Variants in MXRA5 observed in about 807,000 individuals in gnomAD.
MXRA5 encodes matrix remodeling associated 5.
MXRA5 carries 41 observed loss-of-function variants against 112.5 expected under a neutral mutation model. The ratio of observed to expected loss-of-function variants is 0.36; its 90% CI spans 0.28 to 0.47. The LOEUF is 0.47. MXRA5 is among the 20% of genes least tolerant of loss of function. The pLI, the probability that MXRA5 is intolerant of heterozygous loss-of-function variation, is 0.99. For missense variants in MXRA5, 2,150 were observed against 2,251.0 expected (o/e 0.96, Z 0.91); for synonymous variants, 862 against 900.8 (o/e 0.96, Z 0.77).
Position 3,309,761 on chromosome X carries a change from GT to G in MXRA5, c.8441del (p.Asn2814ThrfsTer22). ...TTGTTTTGGAGTCACTGCCGAGAATGTTTTTTGCCATGCACTTGTAGAAGCC... is the reference window on the plus strand; with the variant it reads ...TTGTTTTGGAGTCACTGCCGAGAATGTTTTTGCCATGCACTTGTAGAAGCC... ...DAGFYKCMAK[N>X]ILGSDSKTTY... On this transcript the variant is annotated frameshift_variant, in exon 7 of 7. Coordinates refer to ENST00000217939, the MANE Select transcript of MXRA5 (RefSeq NM_015419.4). LOFTEE classifies it high-confidence loss of function. 1 of 1,211,718 alleles carries G rather than the reference GT, an allele frequency of 8.3e-7. No homozygotes were observed. Among genetic ancestry groups the G allele is most frequent in the South Asian group, 1.8e-5 (1 of 56,925 alleles).
intron 6 of MXRA5, among the ~76,000 whole-genome samples, chrX:3,315,107 G>C (rs1211835442): frequency 1.8e-5 from 2 of 108,338 alleles, no homozygotes; most frequent in African/African-American, 6.8e-5. Flanking sequence ...TGCTAATCTG[G>C]GGTGGGGTGT....
Position 3,322,903 on chromosome X carries a change from C to T in MXRA5, c.2782G>A (p.Asp928Asn), listed in dbSNP as rs1206662575. The T allele has an allele frequency of 8.3e-7, 1 of 1,211,295 alleles. No individual in the cohort carries two copies. Among genetic ancestry groups the T allele is most frequent in the Non-Finnish European group, 1.1e-6 (1 of 895,463 alleles). Residue 928 changes from aspartate (D) to asparagine (N), a missense_variant, in exon 5 of 7, where the codon GAC becomes AAC. By Grantham distance (23) the Asp-to-Asn change is conservative (BLOSUM62 1). This residue lies in a region of MXRA5 where 1,485 missense variants were observed against 1,471.6 expected (regional missense o/e 1.01). Transcript: ENST00000217939. The stretch of plus-strand genomic sequence containing the variant: ...TGGGTGGGCTTTTCATAGACTGTGT[C>T]TAATGTGTGCAGAGTAGGAGATGGT... ...YEPSPTLHTL[D>N]TVYEKPTHEE...
In MXRA5 at chrX:3,324,716, G is replaced by A. The variant is rs765714698; in HGVS notation, c.969C>T (p.Thr323=). The part of the protein sequence containing the change: ...LPQWSISLNM[T]DEHGNMVNLV... ...AGTTCACCATGTTCCCGTGCTCGTC[G>A]GTCATATTCAAAGAGATGCTCCACT... Residue 323 remains threonine (T), a synonymous_variant, in exon 5 of 7, where the codon ACC becomes ACT. Transcript: ENST00000217939. 7 of 1,209,834 alleles carry A rather than the reference G, an allele frequency of 5.8e-6. No individual in the cohort carries two copies. Among genetic ancestry groups the A allele is most frequent in the Admixed American group, 2.2e-5 (1 of 45,891 alleles).
At position 3,323,906 on chromosome X, in the gene MXRA5, C is replaced by G; in HGVS notation, c.1779G>C (p.Glu593Asp). The change falls in exon 5 of 7, where the codon GAG (glutamate) becomes GAC (aspartate). Residue 593 changes from glutamate (E) to aspartate (D), a missense_variant. Physicochemically the swap from Glu to Asp is conservative, Grantham distance 45. Around this residue, in one of 6 missense-constraint regions of MXRA5, gnomAD observed 1,485 missense variants for 1,471.6 expected, o/e 1.01. Transcript: ENST00000217939. ...DTVTIGKNPG[E>D]SVTLPCNALA... is the part of the protein sequence containing the mutation. ...AAGCATTGCAAGGCAATGTCACCGA[C>G]TCCCCTGGGTTCTTGCCAATTGTCA... is the stretch of plus-strand genomic sequence containing the variant. The G allele has an allele frequency of 8.3e-7, 1 of 1,205,746 alleles. No homozygotes were observed. Among genetic ancestry groups the G allele is most frequent in the Non-Finnish European group, 1.1e-6 (1 of 892,946 alleles).
chrX:3,343,932 T>A (rs1922048500), intron 1 of MXRA5, 71 bp from the exon 2 acceptor site: 1 of 911,577 alleles, frequency 1.1e-6, no homozygotes, highest in Non-Finnish European at 1.5e-6. Flanking sequence ...ATTTTTAAAT[T>A]TGAATTGTGC....
chrX:3,340,525 C>G (rs1449129791), intron 2 of MXRA5, among the ~76,000 whole-genome samples: 1 of 111,269 alleles, frequency 9.0e-6, no homozygotes, highest in Non-Finnish European at 1.9e-5. Context: ...GGGTTTTAAA[C>G]TTTTTCTTTT....
At chrX:3,339,248 G>T (rs747547612) in intron 2 of MXRA5, among the ~76,000 whole-genome samples, 9 of 109,304 alleles carry the variant, frequency 8.2e-5, no homozygotes, top group Non-Finnish European at 3.8e-5. Flanking sequence ...TGCTTGTTTT[G>T]TTGTTGTTGT....
intron 4 of MXRA5, among the ~76,000 whole-genome samples, chrX:3,326,577 A>G (rs1305840150): frequency 2.8e-5 from 3 of 108,084 alleles, no homozygotes; most frequent in Non-Finnish European, 5.7e-5. Flanking sequence ...TATCTAGGTA[A>G]CTATATCTAT....
In MXRA5 at chrX:3,322,736, C is replaced by T; in HGVS notation, c.2949G>A (p.Glu983=). 1 of 1,211,598 alleles carries T rather than the reference C, an allele frequency of 8.3e-7. No homozygotes were observed. Among genetic ancestry groups the T allele is most frequent in the Non-Finnish European group, 1.1e-6 (1 of 895,534 alleles). The change falls in exon 5 of 7, where the codon GAG becomes GAA. Residue 983 remains glutamate (E), a synonymous_variant. Transcript: ENST00000217939. ...TATCCTCATCTGGTTGTGACTTAGTCTCCAAATCTGGGTCAAAGTATTGCA... is the reference window on the plus strand; with the variant it reads ...TATCCTCATCTGGTTGTGACTTAGTTTCCAAATCTGGGTCAAAGTATTGCA... The part of the protein sequence containing the change: ...EPMQYFDPDL[E]TKSQPDEDKM...
At chrX:3,312,224 G>A (rs1248422298) in intron 6 of MXRA5, among the ~76,000 whole-genome samples, 1 of 111,542 alleles carries the variant, frequency 9.0e-6, no homozygotes, top group African/African-American at 3.3e-5. Flanking sequence ...TGGTGTAACA[G>A]GTTTTCTAGA....
intron 4 of MXRA5, among the ~76,000 whole-genome samples, chrX:3,328,188 A>T (rs1005682028): frequency 8.9e-6 from 1 of 112,203 alleles, no homozygotes; most frequent in African/African-American, 3.2e-5. Flanking sequence ...TCCCACATCC[A>T]TTGCTTGATG....
At position 3,317,768 on chromosome X, in the gene MXRA5, C is replaced by T. The variant is rs1921190353; in HGVS notation, c.5913G>A (p.Glu1971=). The T allele has an allele frequency of 8.3e-7, 1 of 1,208,139 alleles. No individual in the cohort carries two copies. The highest frequency in any genetic ancestry group is 1.1e-6 in the Non-Finnish European group (1 of 894,188). The part of the protein sequence containing the change: ...TVYLGDTIAM[E]CLAKGTPAPQ... Reference sequence around the variant, plus strand: ...GGGCTGGGGTCCCTTTGGCCAGACACTCCATTGCAATGGTGTCTCCCAGGT... The same window carrying T: ...GGGCTGGGGTCCCTTTGGCCAGACATTCCATTGCAATGGTGTCTCCCAGGT... Residue 1971 remains glutamate, a synonymous_variant, in exon 6 of 7, where the codon GAG becomes GAA. Transcript: ENST00000217939.
chrX:3,320,890 C>T lies in MXRA5; in HGVS notation c.4795G>A (p.Val1599Ile), dbSNP rs765447379. The change falls in exon 5 of 7, where the codon GTT becomes ATT. Residue 1599 changes from valine (V) to isoleucine (I), a missense_variant. Val to Ile is a conservative substitution (Grantham distance 29). Coordinates refer to ENST00000217939, the MANE Select transcript of MXRA5 (RefSeq NM_015419.4). ...GPDSQRQDGR[V>I]HASHQLTRVP... ...CTGGTTAGTTGATGAGAAGCATGAA[C>T]TCTTCCATCCTGGCGTTGGCTATCT... The T allele has an allele frequency of 4.1e-6, 5 of 1,211,844 alleles. No homozygotes were observed. In the South Asian group the frequency reaches 7.0e-5, roughly 17 times the overall value.
chrX:3,315,959 C>CT (rs770454330), intron 6 of MXRA5, among the ~76,000 whole-genome samples: 4,115 of 97,063 alleles, frequency 0.042, 224 homozygotes, highest in African/African-American at 0.15. Context: ...TCCTTTTTTC[C>CT]TTTTTTTTTT....
rs778900624 is a variant in MXRA5, at chrX:3,337,390, T to C, written c.188+6256A>G. On this transcript the variant is annotated intron_variant, in intron 2 of 6. Transcript: ENST00000217939. Reference sequence around the variant, plus strand: ...CACACGATGGCCCCTACAACCCACATTGATTCAGTCCTAAACATCAAGATT... The same window carrying C: ...CACACGATGGCCCCTACAACCCACACTGATTCAGTCCTAAACATCAAGATT... Among the ~76,000 whole-genome samples the C allele has an allele frequency of 3.6e-5, 4 of 112,051 alleles. No individual in the cohort carries two copies. The South Asian group carries it at 1.5e-3, about 42-fold the overall frequency.
At position 3,338,340 on chromosome X, in the gene MXRA5, TGATA is replaced by T. The variant is rs202076029; in HGVS notation, c.188+5302_188+5305del. Among the ~76,000 whole-genome samples the T allele has an allele frequency of 9.9e-3, 1,109 of 111,509 alleles. 9 individuals carry two copies. Among genetic ancestry groups the T allele is most frequent in the African/African-American group, 0.034 (1,053 of 30,655 alleles). On this transcript the variant is annotated intron_variant, in intron 2 of 6. Transcript: ENST00000217939. ...GTTGATAACTATTGTCATAGATAGA[TGATA>T]GATAGATAGATAGGCAGACAGATGA... is the stretch of plus-strand genomic sequence containing the variant.
chrX:3,329,194 G>A (rs1921590033), intron 4 of MXRA5, among the ~76,000 whole-genome samples: 1 of 95,686 alleles, frequency 1.0e-5, no homozygotes, highest in Non-Finnish European at 2.1e-5. Context: ...AAAAATGAAA[G>A]AAGGAAGGTG....
chrX:3,345,281 G>T (rs1184618009), intron 1 of MXRA5, among the ~76,000 whole-genome samples: 10 of 113,063 alleles, frequency 8.8e-5, no homozygotes, highest in Non-Finnish European at 1.5e-4. Flanking sequence ...AAGAACTGAT[G>T]GCGCACAGGT....
rs189077109 is a variant in MXRA5 at position 3,309,575 on chromosome X, A to C, written c.*141T>G. 2.0e-6 allele frequency: 1 copy of C among 500,388 alleles called. No individual in the cohort carries two copies. The highest frequency in any genetic ancestry group is 3.9e-5 in the Admixed American group (1 of 25,372). 41.2% of individuals were successfully genotyped at this position (500,388 alleles called of 1,213,427 possible). ...TCCTTTTCCCAACAATTGTAGATCA[A>C]GATCAACCTCAACTTGAAACCCACC... On this transcript the variant is annotated 3_prime_UTR_variant, in exon 7 of 7. Transcript: ENST00000217939.
Sources: allele counts gnomAD v4.1 joint callset (sites outside exome capture counted in the v4.1 genomes callset), GRCh38; gene constraint gnomAD v4.1.1; regional missense constraint gnomAD v4.1.1; transcripts MANE v1.5; gene names NCBI Gene and HGNC (gene_info 2026-07-23, HGNC 2026-07-21).